The following DOCK3 variants were observed in gnomAD, a reference collection of about 807,000 sequenced individuals.
DOCK3 encodes the protein dedicator of cytokinesis 3.
DOCK3 carries 60 observed loss-of-function variants against 265.6 expected under a neutral mutation model. The ratio of observed to expected loss-of-function variants is 0.23; its 90% CI spans 0.18 to 0.28. The LOEUF is 0.28. Ranked by LOEUF, DOCK3 falls within the 10% of genes least tolerant of loss-of-function variation. The pLI is 1.00. For synonymous variants in DOCK3, 881 were observed against 938.0 expected, an observed-to-expected ratio of 0.94 and a Z score of 1.11; for missense variants, 1,981 against 2,594.3, an observed-to-expected ratio of 0.76 and a Z score of 5.14.
At chr3:50,909,411 T>C (rs13088988) in intron 4 of DOCK3, among the ~76,000 whole-genome samples, 14,361 of 152,072 alleles carry the variant, frequency 0.094, 848 homozygotes, top group Non-Finnish European at 0.12. Context: ...GGCAGGCGTG[T>C]TGATGAATTC....
intron 5 of DOCK3, among the ~76,000 whole-genome samples, chr3:51,027,306 A>C (rs1425443609): frequency 6.6e-6 from 1 of 152,110 alleles, no homozygotes; most frequent in Non-Finnish European, 1.5e-5. Flanking sequence ...ACTGTGGTCC[A>C]AGAAGATGCT....
intron 5 of DOCK3, among the ~76,000 whole-genome samples, chr3:51,010,163 T>G (rs1266349105): frequency 6.6e-6 from 1 of 152,168 alleles, no homozygotes; most frequent in African/African-American, 2.4e-5. Flanking sequence ...GTTCAGTTCC[T>G]GGATATCCTT....
At chr3:50,720,110 TAGAA>T (rs2037379490) in intron 1 of DOCK3, among the ~76,000 whole-genome samples, 1 of 152,246 alleles carries the variant, frequency 6.6e-6, no homozygotes, top group East Asian at 1.9e-4. Context: ...AAGTTTAACA[TAGAA>T]AGGTGTTACC....
rs1408217459 is a variant in DOCK3, at chr3:51,359,364, G to A, written c.4885-1147G>A. 6.6e-6 allele frequency among the ~76,000 whole-genome samples: 1 copy of A among 152,208 alleles called. No homozygotes were observed. Among genetic ancestry groups the A allele is most frequent in the African/African-American group, 2.4e-5 (1 of 41,450 alleles). Reference sequence around the variant, plus strand: ...GGCACATTTTCCAGAGGAAAGCCTGGAGATCCTGAAATTTCTCCCTCTGTT... The same window carrying A: ...GGCACATTTTCCAGAGGAAAGCCTGAAGATCCTGAAATTTCTCCCTCTGTT... On this transcript the variant is annotated intron_variant, in intron 46 of 52. Transcript: ENST00000266037. This position sits in a 1 kb window ranked among gnomAD's most constrained non-coding sequence, Gnocchi z 4.8.
At chr3:51,128,688 A>G (rs2084376894) in intron 9 of DOCK3, among the ~76,000 whole-genome samples, 1 of 152,188 alleles carries the variant, frequency 6.6e-6, no homozygotes. Flanking sequence ...TCAACCTGCC[A>G]CAGCTGGCTG....
chr3:51,153,572 C>G (rs1488949949), intron 10 of DOCK3, among the ~76,000 whole-genome samples: 1 of 152,192 alleles, frequency 6.6e-6, no homozygotes, highest in Non-Finnish European at 1.5e-5. Flanking sequence ...ATGCAGAAAT[C>G]ACCATCTTCT....
chr3:51,095,320 G>C (rs534369918), intron 9 of DOCK3, among the ~76,000 whole-genome samples: 1 of 152,210 alleles, frequency 6.6e-6, no homozygotes, highest in East Asian at 1.9e-4. Flanking sequence ...TCCATATTTA[G>C]TGCTTCCTTC....
chr3:51,058,370 T>C (rs1482002106), intron 5 of DOCK3, among the ~76,000 whole-genome samples: 2 of 152,180 alleles, frequency 1.3e-5, no homozygotes, highest in African/African-American at 4.8e-5. Flanking sequence ...ATGGGAGATA[T>C]TGTAGTTATC....
intron 9 of DOCK3, among the ~76,000 whole-genome samples, chr3:51,126,432 T>TA (rs1165194832): frequency 6.6e-6 from 1 of 152,228 alleles, no homozygotes; most frequent in Non-Finnish European, 1.5e-5. Context: ...CTGAGGAATA[T>TA]AAAATGTACA....
chr3:51,230,731 G>A (rs2090510432), intron 19 of DOCK3, among the ~76,000 whole-genome samples: 3 of 152,098 alleles, frequency 2.0e-5, no homozygotes, highest in Admixed American at 1.3e-4. Context: ...TGGCCAGGAT[G>A]GTCTCGATCC....
intron 2 of DOCK3, among the ~76,000 whole-genome samples, chr3:50,780,885 G>A (rs773187740): frequency 3.3e-5 from 5 of 151,708 alleles, no homozygotes; most frequent in Non-Finnish European, 7.4e-5. Context: ...TAGCTTCCAT[G>A]TATGAATAAG....
intron 5 of DOCK3, among the ~76,000 whole-genome samples, chr3:51,048,459 G>A (rs2080858944): frequency 6.6e-6 from 1 of 152,124 alleles, no homozygotes; most frequent in Admixed American, 6.5e-5. Context: ...GAGATATCTT[G>A]GAGATGGGAC....
intron 1 of DOCK3, among the ~76,000 whole-genome samples, chr3:50,763,856 G>T (rs1313264667): frequency 6.6e-6 from 1 of 151,950 alleles, no homozygotes; most frequent in Non-Finnish European, 1.5e-5. Flanking sequence ...CGATTTCTTT[G>T]CTCAGTTTTC....
chr3:50,861,765 T>A (rs1159755809), intron 3 of DOCK3, among the ~76,000 whole-genome samples: 4 of 152,034 alleles, frequency 2.6e-5, no homozygotes, highest in Non-Finnish European at 4.4e-5. Flanking sequence ...CTCTTTTTTT[T>A]TTTTTGCTTT....
rs995723451 is a variant in DOCK3 at position 50,803,602 on chromosome 3, G to A, written c.121+24844G>A. 1.2e-4 allele frequency among the ~76,000 whole-genome samples: 15 copies of A among 125,470 alleles called. No individual in the cohort carries two copies. The South Asian group carries it at 2.4e-3, about 20-fold the overall frequency. The allele number at this position is 125,470 out of a possible 152,430, so 82.3% of individuals were successfully genotyped here. On this transcript the variant is annotated intron_variant, in intron 2 of 52. Transcript: ENST00000266037. ...GAGCTGCTGGGTACACCTCCCAGAC[G>A]GGGTGGCGGCCGGGCAGAGGGGCCC...
At chr3:51,332,147 G>A (rs55640023) in intron 33 of DOCK3, among the ~76,000 whole-genome samples, 5,076 of 152,290 alleles carry the variant, frequency 0.033, 306 homozygotes, top group African/African-American at 0.11. Flanking sequence ...CCCCTAACTG[G>A]GTCTGCCACC....
chr3:50,771,128 A>G (rs2041248763), intron 1 of DOCK3, among the ~76,000 whole-genome samples: 1 of 152,212 alleles, frequency 6.6e-6, no homozygotes, highest in African/African-American at 2.4e-5. Flanking sequence ...GCTTCTTCAC[A>G]GCAAAGGAAA....
intron 2 of DOCK3, among the ~76,000 whole-genome samples, chr3:50,819,531 G>A (rs1576536123): frequency 6.6e-6 from 1 of 152,144 alleles, no homozygotes; most frequent in East Asian, 1.9e-4. Context: ...ACCTTAATCC[G>A]AAAGAAGCCA....
chr3:50,699,656 T>C (rs2107806579), intron 1 of DOCK3, among the ~76,000 whole-genome samples: 1 of 152,176 alleles, frequency 6.6e-6, no homozygotes, highest in Admixed American at 6.5e-5. Flanking sequence ...ATGCACCATA[T>C]GGCAACTGGT....
Sources: allele counts gnomAD v4.1 joint callset (sites outside exome capture counted in the v4.1 genomes callset), GRCh38; gene constraint gnomAD v4.1.1; non-coding constraint Gnocchi (gnomAD v3.1); transcripts MANE v1.5; gene names NCBI Gene and HGNC (gene_info 2026-07-23, HGNC 2026-07-21).